SNTB2: variants seen among roughly 807,000 people sequenced by gnomAD.
SNTB2 encodes the protein beta-2-syntrophin.
A neutral mutation model predicts 46.2 loss-of-function variants in SNTB2; 34 were observed. The ratio of observed to expected loss-of-function variants is 0.74; its 90% CI spans 0.56 to 0.98. SNTB2 has a LOEUF of 0.98. SNTB2 is among the 50% of genes least tolerant of loss of function. The pLI is 0.00. For missense variants in SNTB2, 603 were observed against 731.4 expected, an observed-to-expected ratio of 0.82 and a Z score of 2.02; for synonymous variants, 290 against 312.6, an observed-to-expected ratio of 0.93 and a Z score of 0.76.
Position 69,304,004 on chromosome 16 carries a change from C to T in SNTB2, c.*3080C>T, listed in dbSNP as rs1001980650. ...GACTGCTTCCTGTGCCCCCCAGACCCGGGGCTTCGACAGCTTCTCCACATT... is the reference window on the plus strand; with the variant it reads ...GACTGCTTCCTGTGCCCCCCAGACCTGGGGCTTCGACAGCTTCTCCACATT... On this transcript the variant is annotated 3_prime_UTR_variant, in exon 7 of 7. Coordinates refer to ENST00000336278, the MANE Select transcript of SNTB2 (RefSeq NM_006750.4). The T allele has an allele frequency of 6.6e-6, 1 of 152,152 alleles. No individual in the cohort carries two copies. The highest frequency in any genetic ancestry group is 6.5e-5 in the Admixed American group (1 of 15,280). 9.4% of individuals were successfully genotyped at this position (152,152 alleles called of 1,614,324 possible). A position where few individuals can be genotyped will look rare whatever the true frequency, so the allele number is the denominator to read the frequency against.
chr16:69,195,647 G>A (rs1409413417), intron 1 of SNTB2, among the ~76,000 whole-genome samples: 2 of 152,142 alleles, frequency 1.3e-5, no homozygotes, highest in African/African-American at 2.4e-5. Flanking sequence ...AGTCAGCTAA[G>A]ATGGTGCCTG....
At position 69,307,889 on chromosome 16, in the gene SNTB2, A is replaced by G. The variant is rs1965327752; in HGVS notation, c.*6965A>G. On this transcript the variant is annotated 3_prime_UTR_variant, in exon 7 of 7. Coordinates refer to ENST00000336278, the MANE Select transcript of SNTB2 (RefSeq NM_006750.4). ...GGCATTTGGACTCAATGAAAAGGGC[A>G]CCTAAAGAAAATAAGGCTGACTGAA... The G allele has an allele frequency of 6.6e-6, 1 of 152,178 alleles. No homozygotes were observed. The highest frequency in any genetic ancestry group is 6.5e-5 in the Admixed American group (1 of 15,282). 9.4% of individuals were successfully genotyped at this position (152,178 alleles called of 1,614,324 possible).
At chr16:69,235,510 G>GT (rs886300003) in intron 1 of SNTB2, among the ~76,000 whole-genome samples, 2 of 152,080 alleles carry the variant, frequency 1.3e-5, no homozygotes, top group African/African-American at 2.4e-5. Context: ...GAAAGGTGGA[G>GT]TTTTTTAGAG....
At chr16:69,231,418 G>T (rs999425313) in intron 1 of SNTB2, among the ~76,000 whole-genome samples, 6 of 151,914 alleles carry the variant, frequency 3.9e-5, no homozygotes, top group Non-Finnish European at 8.8e-5. Flanking sequence ...GAGAAACCCC[G>T]TCTCAACTAA....
intron 1 of SNTB2, chr16:69,191,272 A>G (rs1597166266): frequency 1.4e-5 from 2 of 147,150 alleles, no homozygotes; most frequent in South Asian, 2.2e-4. Flanking sequence ...AGAAAAACCA[A>G]GTGTGGTGGC....
At chr16:69,231,192 T>G (rs1964502974) in intron 1 of SNTB2, 1 of 152,244 alleles carries the variant, frequency 6.6e-6, no homozygotes, top group South Asian at 2.1e-4. Context: ...TTTGTGTGTT[T>G]TGAAGTAAGC....
At chr16:69,292,608 ATTTTT>A (rs555750337) in intron 5 of SNTB2, among the ~76,000 whole-genome samples, 2 of 119,750 alleles carry the variant, frequency 1.7e-5, no homozygotes, top group Admixed American at 1.8e-4. Flanking sequence ...TGCCCAGCTA[ATTTTT>A]TTTTTTTTTT....
At position 69,307,374 on chromosome 16, in the gene SNTB2, C is replaced by G. The variant is rs1001275215; in HGVS notation, c.*6450C>G. On this transcript the variant is annotated 3_prime_UTR_variant, in exon 7 of 7. Transcript: ENST00000336278. ...TAAGTAGGCTGGTCTTTTCATCATG[C>G]ATGATTTTTTTTTTAGTGCAAATTT... 6.6e-6 allele frequency: 1 copy of G among 152,096 alleles called. No homozygotes were observed. The highest frequency in any genetic ancestry group is 1.5e-5 in the Non-Finnish European group (1 of 68,022). 9.4% of individuals were successfully genotyped at this position (152,096 alleles called of 1,614,324 possible). A position where few individuals can be genotyped will look rare whatever the true frequency, so the allele number is the denominator to read the frequency against.
chr16:69,204,788 T>C (rs947680857), intron 1 of SNTB2, among the ~76,000 whole-genome samples: 8 of 152,212 alleles, frequency 5.3e-5, no homozygotes, highest in Non-Finnish European at 1.5e-5. Context: ...CCTACATGAG[T>C]ATTTTTCCAC....
At chr16:69,251,013 C>G (rs1964720292) in intron 2 of SNTB2, among the ~76,000 whole-genome samples, 1 of 145,238 alleles carries the variant, frequency 6.9e-6, no homozygotes, top group Admixed American at 6.9e-5. Context: ...GAGTCTCGCT[C>G]TGTCGCCCAG....
At position 69,258,501 on chromosome 16, in the gene SNTB2, C is replaced by G. The variant is rs555745832; in HGVS notation, c.795-1549C>G. ...AACAGTTATAGTGTTGATCTCTTAA[C>G]TATTTTTCTACCTAATTCACTGGAG... is the stretch of plus-strand genomic sequence containing the variant. On this transcript the variant is annotated intron_variant, in intron 2 of 6. Coordinates refer to ENST00000336278, the MANE Select transcript of SNTB2 (RefSeq NM_006750.4). Among the ~76,000 whole-genome samples, 6 of 150,084 alleles carry G rather than the reference C, an allele frequency of 4.0e-5. No individual in the cohort carries two copies. The South Asian group carries it at 1.3e-3, about 32-fold the overall frequency.
In SNTB2 at chr16:69,300,975, C is replaced by A; in HGVS notation, c.*51C>A. On this transcript the variant is annotated 3_prime_UTR_variant, in exon 7 of 7. Transcript: ENST00000336278. Reference sequence around the variant, plus strand: ...TGACTGTCACAAGAAATATTTCCACCTCAAAAAAAAAAAAGCACAAAAAGA... The same window carrying A: ...TGACTGTCACAAGAAATATTTCCACATCAAAAAAAAAAAAGCACAAAAAGA... The A allele has an allele frequency of 1.7e-6, 2 of 1,159,488 alleles. No homozygotes were observed. Among genetic ancestry groups the A allele is most frequent in the Non-Finnish European group, 1.3e-6 (1 of 792,662 alleles). 71.8% of individuals were successfully genotyped at this position (1,159,488 alleles called of 1,614,324 possible).
chr16:69,206,774 A>T (rs1567396947), intron 1 of SNTB2, among the ~76,000 whole-genome samples: 2 of 149,522 alleles, frequency 1.3e-5, no homozygotes, highest in African/African-American at 4.9e-5. Context: ...TTATATACTT[A>T]TTTTTTTTGA....
At chr16:69,296,691 C>T (rs1965228192) in intron 5 of SNTB2, among the ~76,000 whole-genome samples, 1 of 147,872 alleles carries the variant, frequency 6.8e-6, no homozygotes, top group Admixed American at 6.8e-5. Context: ...CACTGCAGTG[C>T]AGCCTGGCCG....
At chr16:69,231,406 T>C (rs1371844147) in intron 1 of SNTB2, among the ~76,000 whole-genome samples, 1 of 151,808 alleles carries the variant, frequency 6.6e-6, no homozygotes. Flanking sequence ...CTGGCCAACA[T>C]GGAGAAACCC....
chr16:69,243,319 A>G (rs113814779), intron 1 of SNTB2, among the ~76,000 whole-genome samples: 26 of 152,210 alleles, frequency 1.7e-4, no homozygotes, highest in Non-Finnish European at 3.5e-4. Flanking sequence ...ACATAGAAAC[A>G]GATGTCCATC....
chr16:69,280,015 G>A (rs925988550), intron 4 of SNTB2, among the ~76,000 whole-genome samples: 9 of 152,132 alleles, frequency 5.9e-5, no homozygotes, highest in South Asian at 2.1e-4. Flanking sequence ...GCGGCCTTCC[G>A]CAGTGTTTGT....
intron 1 of SNTB2, among the ~76,000 whole-genome samples, chr16:69,203,911 G>T (rs1964189403): frequency 6.6e-6 from 1 of 151,718 alleles, no homozygotes; most frequent in African/African-American, 2.4e-5. Context: ...TATTATTTCT[G>T]AGATGGAGTA....
At chr16:69,229,810 C>G (rs1964489790) in intron 1 of SNTB2, among the ~76,000 whole-genome samples, 2 of 144,540 alleles carry the variant, frequency 1.4e-5, no homozygotes, top group South Asian at 4.4e-4. Context: ...CCACTGCACT[C>G]CAGCCTGGGT....
Sources: gnomAD v4.1 joint callset for allele counts (sites outside exome capture counted in the v4.1 genomes callset) on GRCh38, gnomAD v4.1.1 for gene constraint, MANE v1.5 for transcripts, NCBI Gene and HGNC (gene_info 2026-07-23, HGNC 2026-07-21) for gene names.